The following CHCHD3 variants were observed in gnomAD, a reference collection of about 807,000 sequenced individuals.
CHCHD3 encodes the protein coiled-coil-helix-coiled-coil-helix domain containing 3.
A neutral mutation model predicts 38.2 loss-of-function variants in CHCHD3; 20 were observed. The observed-to-expected ratio is 0.52, with a 90% confidence interval of 0.37 to 0.76. CHCHD3 has a LOEUF of 0.76. Ranked by LOEUF, CHCHD3 falls within the 30% of genes least tolerant of loss-of-function variation. The pLI, the probability that CHCHD3 is intolerant of heterozygous loss-of-function variation, is 0.00. For missense variants in CHCHD3, 245 were observed against 279.2 expected (o/e 0.88, Z 0.87); for synonymous variants, 82 against 100.0 (o/e 0.82, Z 1.07).
chr7:132,945,614 T>C (rs529604870), intron 4 of CHCHD3, among the ~76,000 whole-genome samples: 20 of 152,000 alleles, frequency 1.3e-4, no homozygotes, highest in African/African-American at 4.8e-4. Flanking sequence ...AGTAAGCTGA[T>C]AAGGTAACAT....
intron 5 of CHCHD3, among the ~76,000 whole-genome samples, chr7:132,859,977 G>A (rs1808440780): frequency 6.6e-6 from 1 of 151,934 alleles, no homozygotes; most frequent in Non-Finnish European, 1.5e-5. Context: ...AATTTAAATT[G>A]ATTAAAACAC....
chr7:132,807,644 T>TATATATAC (rs1219596444), intron 6 of CHCHD3, among the ~76,000 whole-genome samples: 1 of 120,252 alleles, frequency 8.3e-6, no homozygotes, highest in African/African-American at 3.2e-5. Context: ...TATATATATA[T>TATATATAC]ACTTGACATA....
intron 3 of CHCHD3, among the ~76,000 whole-genome samples, chr7:132,979,606 G>A (rs906738273): frequency 5.9e-5 from 9 of 152,170 alleles, no homozygotes; most frequent in South Asian, 2.1e-4. Flanking sequence ...CATCAGTTGG[G>A]TCCAGAAGCA....
chr7:132,804,461 G>A (rs1272039846), intron 6 of CHCHD3, among the ~76,000 whole-genome samples: 1 of 152,166 alleles, frequency 6.6e-6, no homozygotes, highest in Admixed American at 6.5e-5. Context: ...CTCGGGTGGT[G>A]CGAAGTTTGG....
At chr7:132,873,401 C>G (rs1234024316) in intron 5 of CHCHD3, among the ~76,000 whole-genome samples, 3 of 140,348 alleles carry the variant, frequency 2.1e-5, no homozygotes, top group Non-Finnish European at 4.5e-5. Context: ...AATAATCCCT[C>G]AATTCATGGT....
At chr7:132,858,422 T>G (rs1808399131) in intron 5 of CHCHD3, among the ~76,000 whole-genome samples, 1 of 152,166 alleles carries the variant, frequency 6.6e-6, no homozygotes, top group Admixed American at 6.5e-5. Flanking sequence ...TTATATACCT[T>G]TCGTTCTTGA....
chr7:132,835,123 C>T (rs955046541), intron 6 of CHCHD3, among the ~76,000 whole-genome samples: 7 of 151,054 alleles, frequency 4.6e-5, no homozygotes, highest in Non-Finnish European at 1.0e-4. Flanking sequence ...TATAGGCATG[C>T]GCCACCACAC....
At chr7:132,905,304 T>C (rs1379737013) in intron 4 of CHCHD3, among the ~76,000 whole-genome samples, 2 of 152,020 alleles carry the variant, frequency 1.3e-5, no homozygotes, top group Non-Finnish European at 2.9e-5. Context: ...TGCAGGGACA[T>C]GGATAGAGCC....
chr7:132,973,862 G>T, intron 4 of CHCHD3: 2 of 1,164,002 alleles, frequency 1.7e-6, no homozygotes, highest in South Asian at 3.4e-5. Context: ...TCAGTTCAAA[G>T]TTCTCCATTC....
chr7:132,958,670 G>A (rs573264789), intron 4 of CHCHD3, among the ~76,000 whole-genome samples: 3 of 152,214 alleles, frequency 2.0e-5, no homozygotes, highest in East Asian at 1.9e-4. Flanking sequence ...ATAGTCCATC[G>A]GCAACAGGCC....
chr7:133,005,371 A>G (rs988711021), intron 3 of CHCHD3, among the ~76,000 whole-genome samples: 1 of 152,230 alleles, frequency 6.6e-6, no homozygotes, highest in African/African-American at 2.4e-5. Flanking sequence ...AGACCTATGC[A>G]TCTCTTATTA....
At chr7:132,991,679 G>A (rs1812288251) in intron 3 of CHCHD3, among the ~76,000 whole-genome samples, 1 of 151,980 alleles carries the variant, frequency 6.6e-6, no homozygotes, top group African/African-American at 2.4e-5. Context: ...TCGTTTGAAT[G>A]CTTTGACTTT....
intron 4 of CHCHD3, among the ~76,000 whole-genome samples, chr7:132,949,500 G>A (rs1251518985): frequency 6.6e-6 from 1 of 152,092 alleles, no homozygotes; most frequent in African/African-American, 2.4e-5. Context: ...TGCCTAAGTA[G>A]CATAACAGTA....
chr7:132,957,417 A>T (rs1342106111), intron 4 of CHCHD3, among the ~76,000 whole-genome samples: 1 of 152,078 alleles, frequency 6.6e-6, no homozygotes, highest in Admixed American at 6.5e-5. Flanking sequence ...CTCCAATCTG[A>T]TGAGGGTCTC....
chr7:133,058,014 T>C (rs1814391831), intron 2 of CHCHD3, among the ~76,000 whole-genome samples: 1 of 152,146 alleles, frequency 6.6e-6, no homozygotes, highest in African/African-American at 2.4e-5. Flanking sequence ...GTGTATGGGC[T>C]CAATCCCATC....
At chr7:132,967,960 G>A (rs1040378300) in intron 4 of CHCHD3, among the ~76,000 whole-genome samples, 4 of 152,116 alleles carry the variant, frequency 2.6e-5, no homozygotes, top group South Asian at 2.1e-4. Flanking sequence ...ATCTGTAATC[G>A]CAGTCCTATT....
chr7:132,929,996 G>C (rs989900552), intron 4 of CHCHD3, among the ~76,000 whole-genome samples: 4 of 152,020 alleles, frequency 2.6e-5, no homozygotes, highest in Admixed American at 2.6e-4. Flanking sequence ...CCAGTCACTT[G>C]GGTCCTTAAC....
intron 4 of CHCHD3, among the ~76,000 whole-genome samples, chr7:132,962,493 C>T (rs375642683): frequency 5.3e-5 from 8 of 152,088 alleles, no homozygotes; most frequent in East Asian, 1.9e-4. Flanking sequence ...TGTACCTGGA[C>T]GGGAAGGGCA....
chr7:132,972,977 C>T (rs1279250442), intron 4 of CHCHD3: 1 of 985,314 alleles, frequency 1.0e-6, no homozygotes, highest in Non-Finnish European at 1.2e-6. Flanking sequence ...CTATTCCAAT[C>T]AAAACATGTT....
Sources: allele counts gnomAD v4.1 joint callset (sites outside exome capture counted in the v4.1 genomes callset), GRCh38; gene constraint gnomAD v4.1.1; transcripts MANE v1.5; gene names NCBI Gene and HGNC (gene_info 2026-07-23, HGNC 2026-07-21).